PTPRG: variants seen among roughly 807,000 people sequenced by gnomAD.
The protein encoded by PTPRG is receptor-type tyrosine-protein phosphatase gamma.
PTPRG carries 102 observed loss-of-function variants against 165.3 expected under a neutral mutation model. The ratio of observed to expected loss-of-function variants is 0.62; its 90% CI spans 0.53 to 0.73. The LOEUF (loss-of-function observed/expected upper bound fraction) is 0.73. PTPRG is among the 30% of genes least tolerant of loss of function. The pLI is 0.00. For missense variants in PTPRG, 1,866 were observed against 1,861.4 expected (o/e 1.00, Z -0.05); for synonymous variants, 675 against 669.5 (o/e 1.01, Z -0.13).
chr3:62,198,515 T>G (rs745468429), intron 10 of PTPRG, among the ~76,000 whole-genome samples: 1 of 152,206 alleles, frequency 6.6e-6, no homozygotes, highest in African/African-American at 2.4e-5. Flanking sequence ...TTTATATGCT[T>G]CTTCTCTGAG....
At chr3:61,828,132 A>G (rs899818732) in intron 2 of PTPRG, among the ~76,000 whole-genome samples, 1 of 152,198 alleles carries the variant, frequency 6.6e-6, no homozygotes, top group African/African-American at 2.4e-5. Context: ...AGTCTTCTAC[A>G]TGCCCTTTTT....
intron 2 of PTPRG, among the ~76,000 whole-genome samples, chr3:61,896,817 A>G (rs560801833): frequency 7.9e-4 from 121 of 152,272 alleles, no homozygotes; most frequent in Non-Finnish European, 1.4e-3. Flanking sequence ...CCTAATGGGT[A>G]ATGATGTTGA....
chr3:62,133,142 C>T (rs1490608981), intron 6 of PTPRG, among the ~76,000 whole-genome samples: 2 of 152,208 alleles, frequency 1.3e-5, no homozygotes, highest in African/African-American at 4.8e-5. Flanking sequence ...TTCTGTGCTG[C>T]AGATCTCTTA....
intron 2 of PTPRG, among the ~76,000 whole-genome samples, chr3:61,856,157 A>G (rs1218475510): frequency 2.0e-5 from 3 of 151,986 alleles, no homozygotes; most frequent in Non-Finnish European, 4.4e-5. Flanking sequence ...AAATACACAT[A>G]ACATAAAATT....
rs1294637332 is a variant in PTPRG, at chr3:61,953,885, CTCTCT to C, written c.191-35737_191-35733del. ...TTTTCTGCTGCTGTACAATCTGCTG[CTCTCT>C]TCAGATGCTTTGACCTGTTCCTATA... On this transcript the variant is annotated intron_variant, in intron 2 of 29. Coordinates refer to ENST00000474889, the MANE Select transcript of PTPRG (RefSeq NM_002841.4). Among the ~76,000 whole-genome samples, 3 of 151,622 alleles carry C rather than the reference CTCTCT, an allele frequency of 2.0e-5. No homozygotes were observed. The East Asian group carries it at 5.8e-4, about 29-fold the overall frequency.
At chr3:61,829,914 A>C (rs1477646702) in intron 2 of PTPRG, among the ~76,000 whole-genome samples, 1 of 152,140 alleles carries the variant, frequency 6.6e-6, no homozygotes, top group Non-Finnish European at 1.5e-5. Flanking sequence ...GGGACTGTTG[A>C]TTTAGTGTGG....
chr3:61,883,512 C>T (rs761831457), intron 2 of PTPRG, among the ~76,000 whole-genome samples: 1 of 152,000 alleles, frequency 6.6e-6, no homozygotes, highest in Non-Finnish European at 1.5e-5. Context: ...AAACTCCTCT[C>T]GTTCCAGAAA....
In PTPRG at chr3:61,735,993, C is replaced by T. The variant is rs182187507; in HGVS notation, c.86-12885C>T. On this transcript the variant is annotated intron_variant, in intron 1 of 29. Transcript: ENST00000474889. ...CGTGATCTCAGCTCACTGCAACCTCCGCCTCCTGGGTTCAAGTGATTCTCC... is the reference window on the plus strand; with the variant it reads ...CGTGATCTCAGCTCACTGCAACCTCTGCCTCCTGGGTTCAAGTGATTCTCC... 1.1e-3 allele frequency among the ~76,000 whole-genome samples: 164 copies of T among 151,792 alleles called. 1 individual carries two copies. The highest frequency in any genetic ancestry group is 3.4e-3 in the Middle Eastern group (1 of 294).
intron 1 of PTPRG, among the ~76,000 whole-genome samples, chr3:61,628,207 GCT>G (rs1701665934): frequency 6.6e-6 from 1 of 152,066 alleles, no homozygotes; most frequent in Non-Finnish European, 1.5e-5. Flanking sequence ...GATATATGTG[GCT>G]CTTTTGTTTA....
intron 26 of PTPRG, among the ~76,000 whole-genome samples, chr3:62,278,959 GGGAGACTGGA>G (rs1345940721): frequency 1.3e-5 from 2 of 151,974 alleles, no homozygotes; most frequent in African/African-American, 4.8e-5. Flanking sequence ...GGAGGCTGGA[GGGAGACTGGA>G]CCAAATAAGT....
At chr3:61,739,177 T>C (rs1242244553) in intron 1 of PTPRG, 1 of 152,022 alleles carries the variant, frequency 6.6e-6, no homozygotes, top group Non-Finnish European at 1.5e-5. Context: ...CAAAGAAATC[T>C]GTTCCTGGTT....
intron 1 of PTPRG, among the ~76,000 whole-genome samples, chr3:61,699,027 G>A (rs1298567693): frequency 6.6e-6 from 1 of 151,902 alleles, no homozygotes; most frequent in Non-Finnish European, 1.5e-5. Flanking sequence ...CTGTGGGGTG[G>A]GGGGAGCGGG....
chr3:62,128,339 G>C (rs1703391611), intron 5 of PTPRG, among the ~76,000 whole-genome samples: 1 of 152,156 alleles, frequency 6.6e-6, no homozygotes, highest in South Asian at 2.1e-4. Flanking sequence ...CAAATTTCAA[G>C]AGCCAGGATC....
chr3:62,050,195 TAAC>T (rs1273977466), intron 4 of PTPRG, among the ~76,000 whole-genome samples: 1 of 152,190 alleles, frequency 6.6e-6, no homozygotes, highest in Non-Finnish European at 1.5e-5. Context: ...ACACACCACA[TAAC>T]AATGTTTTGG....
chr3:61,759,019 C>G (rs1300065153), intron 2 of PTPRG, among the ~76,000 whole-genome samples: 1 of 152,160 alleles, frequency 6.6e-6, no homozygotes, highest in Non-Finnish European at 1.5e-5. Context: ...CTCAGTCCAC[C>G]TGGCATGTTC....
At chr3:62,182,030 T>G (rs989664171) in intron 8 of PTPRG, among the ~76,000 whole-genome samples, 3 of 152,196 alleles carry the variant, frequency 2.0e-5, no homozygotes, top group Non-Finnish European at 4.4e-5. Flanking sequence ...ATATGCTATA[T>G]TCTCACAATA....
intron 2 of PTPRG, chr3:61,926,045 A>G (rs1401562993): frequency 2.3e-6 from 1 of 432,758 alleles, no homozygotes; most frequent in Non-Finnish European, 4.6e-6. Flanking sequence ...ATATCAGAAT[A>G]GAAACCGCAT....
At chr3:61,582,030 T>C (rs1700307213) in intron 1 of PTPRG, among the ~76,000 whole-genome samples, 1 of 152,094 alleles carries the variant, frequency 6.6e-6, no homozygotes, top group Admixed American at 6.5e-5. Context: ...TGCAGTGGCG[T>C]GATCTCCCCT....
chr3:61,684,982 A>G (rs973936477), intron 1 of PTPRG, among the ~76,000 whole-genome samples: 4 of 152,006 alleles, frequency 2.6e-5, no homozygotes, highest in African/African-American at 9.7e-5. Flanking sequence ...TCTCCTGGAG[A>G]TGAGCCTTTG....
Sources: allele counts gnomAD v4.1 joint callset (sites outside exome capture counted in the v4.1 genomes callset), GRCh38; gene constraint gnomAD v4.1.1; transcripts MANE v1.5; gene names NCBI Gene and HGNC (gene_info 2026-07-23, HGNC 2026-07-21).